PRDM5: variants seen among roughly 807,000 people sequenced by gnomAD.
PRDM5 encodes the protein PR domain zinc finger protein 5.
Under a neutral mutation model 81.2 loss-of-function variants are expected in PRDM5, and 56 were observed. The ratio of observed to expected loss-of-function variants is 0.69; its 90% CI spans 0.56 to 0.86. The LOEUF is 0.86. PRDM5 is among the 40% of genes least tolerant of loss of function. PRDM5 has a pLI of 0.00. For synonymous variants in PRDM5, 267 were observed against 256.4 expected, an observed-to-expected ratio of 1.04 and a Z score of -0.39; for missense variants, 697 against 770.1, an observed-to-expected ratio of 0.91 and a Z score of 1.12.
chr4:120,759,660 CT>C lies in PRDM5; in HGVS notation c.1538-5023del. ...GATCCTGTGGAGAACAAAAACTTAT[CT>C]TCAGTTTTAGTCAACTCTAAGAACA... On this transcript the variant is annotated intron_variant, in intron 13 of 15. Coordinates refer to ENST00000264808, the MANE Select transcript of PRDM5 (RefSeq NM_018699.4). Among the ~76,000 whole-genome samples, 4 of 152,308 alleles carry C rather than the reference CT, an allele frequency of 2.6e-5. No individual in the cohort carries two copies. The East Asian group carries it at 5.8e-4, about 22-fold the overall frequency.
intron 14 of PRDM5, among the ~76,000 whole-genome samples, chr4:120,711,923 G>A (rs780112803): frequency 5.9e-5 from 9 of 151,970 alleles, no homozygotes; most frequent in South Asian, 4.1e-4. Flanking sequence ...AAAAAGTTTC[G>A]TTCAGATTTA....
At chr4:120,812,979 T>G (rs1754046288) in intron 7 of PRDM5, 2 of 155,142 alleles carry the variant, frequency 1.3e-5, no homozygotes, top group South Asian at 3.3e-4. Flanking sequence ...ATCAGCTGGG[T>G]TTTTTAAGAT....
chr4:120,922,440 C>G, intron 1 of PRDM5, 76 bp downstream of exon 1: 1 of 1,262,620 alleles, frequency 7.9e-7, no homozygotes, highest in Non-Finnish European at 1.0e-6. Context: ...CGCCCCGGGC[C>G]CTGCGGCAGG....
At chr4:120,910,929 T>C (rs1766431909) in intron 1 of PRDM5, among the ~76,000 whole-genome samples, 1 of 152,200 alleles carries the variant, frequency 6.6e-6, no homozygotes, top group Non-Finnish European at 1.5e-5. Context: ...CACTAGCAGA[T>C]AGGAAAACTG....
intron 3 of PRDM5, chr4:120,837,216 A>G (rs1757462992): frequency 6.6e-6 from 1 of 152,234 alleles, no homozygotes; most frequent in South Asian, 2.1e-4. Flanking sequence ...TTAATCTCTG[A>G]GGTGCCTGCT....
At chr4:120,836,246 G>C (rs540656348) in intron 3 of PRDM5, among the ~76,000 whole-genome samples, 61 of 152,314 alleles carry the variant, frequency 4.0e-4, no homozygotes, top group African/African-American at 1.1e-3. Context: ...GTGTGCATTT[G>C]TAAGGCAGTG....
At chr4:120,897,386 T>C (rs147277543) in intron 2 of PRDM5, among the ~76,000 whole-genome samples, 71 of 152,288 alleles carry the variant, frequency 4.7e-4, no homozygotes, top group African/African-American at 1.6e-3. Flanking sequence ...TTTTTCTAGC[T>C]GCTTTTAGGA....
intron 14 of PRDM5, among the ~76,000 whole-genome samples, chr4:120,746,936 A>G (rs889222703): frequency 6.6e-5 from 10 of 151,184 alleles, no homozygotes; most frequent in African/African-American, 2.0e-4. Context: ...ATTACTGGGT[A>G]TATACCCAAA....
At chr4:120,838,175 G>T (rs1757580070) in intron 3 of PRDM5, 1 of 152,144 alleles carries the variant, frequency 6.6e-6, no homozygotes, top group South Asian at 2.1e-4. Context: ...TTCAGCCTCT[G>T]TACCTTCTTC....
At chr4:120,811,293 CTT>C (rs1226147675) in intron 8 of PRDM5, 75 bp downstream of exon 8, 33 of 973,316 alleles carry the variant, frequency 3.4e-5, no homozygotes, top group Non-Finnish European at 4.7e-5. Context: ...AACTTGGTAA[CTT>C]TTATACTTAC....
intron 8 of PRDM5, among the ~76,000 whole-genome samples, chr4:120,805,629 A>C (rs980785320): frequency 1.3e-5 from 2 of 152,220 alleles, no homozygotes; most frequent in Non-Finnish European, 2.9e-5. Flanking sequence ...GATACAGAAA[A>C]GGCCTTTGAC....
At chr4:120,753,794 G>GT (rs1171678789) in intron 14 of PRDM5, among the ~76,000 whole-genome samples, 2 of 152,122 alleles carry the variant, frequency 1.3e-5, no homozygotes, top group Admixed American at 1.3e-4. Flanking sequence ...GCAGTGAAAA[G>GT]TTGTATAGAG....
At chr4:120,907,865 C>A (rs1428143041) in intron 1 of PRDM5, among the ~76,000 whole-genome samples, 3 of 152,188 alleles carry the variant, frequency 2.0e-5, no homozygotes, top group African/African-American at 4.8e-5. Flanking sequence ...TAGCCTCTGG[C>A]AAGCGATGTT....
At position 120,870,849 on chromosome 4, in the gene PRDM5, T is replaced by A. The variant is rs572961264; in HGVS notation, c.178-17309A>T. ...TTTCAGATTCCTCCTAAGAAGGAGA[T>A]TTATTCAGAGTCTAGGTAGGGTTGA... On this transcript the variant is annotated intron_variant, in intron 2 of 15. Transcript: ENST00000264808. Among the ~76,000 whole-genome samples the A allele has an allele frequency of 7.5e-4, 114 of 152,262 alleles. 1 individual carries two copies. In the Middle Eastern group the frequency reaches 0.01, roughly 14 times the overall value.
rs34821143 is a variant in PRDM5, at chr4:120,782,607, G to T, written c.1283-1304C>A. On this transcript the variant is annotated intron_variant, in intron 11 of 15. Coordinates refer to ENST00000264808, the MANE Select transcript of PRDM5 (RefSeq NM_018699.4). ...ACAAAGTCACGTCCATACAATGCAT[G>T]AACTATGTGGATTCTGAGAGCTTGG... Among the ~76,000 whole-genome samples the T allele has an allele frequency of 9.8e-3, 1,486 of 152,250 alleles. 18 individuals carry two copies. The highest frequency in any genetic ancestry group is 0.016 in the Non-Finnish European group (1,082 of 67,984).
At chr4:120,906,078 C>A (rs1765762453) in intron 2 of PRDM5, among the ~76,000 whole-genome samples, 1 of 151,994 alleles carries the variant, frequency 6.6e-6, no homozygotes, top group Admixed American at 6.6e-5. Flanking sequence ...CTCAGGCAAT[C>A]CTCCCACCTC....
At chr4:120,782,555 G>C (rs1267233981) in intron 11 of PRDM5, among the ~76,000 whole-genome samples, 1 of 152,082 alleles carries the variant, frequency 6.6e-6, no homozygotes, top group African/African-American at 2.4e-5. Flanking sequence ...AAGTCTCTTA[G>C]AGTCCTTTTG....
At chr4:120,770,792 A>G (rs928302695) in intron 13 of PRDM5, among the ~76,000 whole-genome samples, 5 of 152,204 alleles carry the variant, frequency 3.3e-5, no homozygotes, top group Admixed American at 3.3e-4. Context: ...CACAAATCTT[A>G]TAATAACAGT....
chr4:120,724,836 T>C (rs1012621352), intron 14 of PRDM5, among the ~76,000 whole-genome samples: 2 of 152,322 alleles, frequency 1.3e-5, no homozygotes, highest in East Asian at 1.9e-4. Flanking sequence ...CAGCCAAGTT[T>C]ATGTCAACAG....
Sources: allele counts gnomAD v4.1 joint callset (sites outside exome capture counted in the v4.1 genomes callset), GRCh38; gene constraint gnomAD v4.1.1; transcripts MANE v1.5; gene names NCBI Gene and HGNC (gene_info 2026-07-23, HGNC 2026-07-21).